Variants in FAT4 observed in about 807,000 individuals in gnomAD.
FAT4 encodes the protein protocadherin Fat 4.
FAT4 carries 84 observed loss-of-function variants against 303.9 expected under a neutral mutation model. The observed-to-expected ratio is 0.28, with a 90% CI of 0.23 to 0.33. The LOEUF (loss-of-function observed/expected upper bound fraction) is 0.33. Among genes scored for constraint, FAT4 ranks in the 10% least tolerant of loss-of-function variants. The pLI is 1.00. For synonymous variants in FAT4, 2,307 were observed against 2,298.8 expected, an observed-to-expected ratio of 1.00 and a Z score of -0.10; for missense variants, 6,005 against 6,146.8, an observed-to-expected ratio of 0.98 and a Z score of 0.77.
chr4:125,322,560 A>C (rs1435170957), intron 2 of FAT4, among the ~76,000 whole-genome samples: 1 of 152,142 alleles, frequency 6.6e-6, no homozygotes, highest in Admixed American at 6.5e-5. Context: ...AAGACATTCT[A>C]GTGTCAGTCA....
rs1735033724 is a variant in FAT4 at position 125,415,797 on chromosome 4, A to G, written c.6834A>G (p.Thr2278=). ...VPENLGTLPR[T]ILQVVARDDD... ...AGAATTTAGGGACACTACCCAGAAC[A>G]ATTCTTCAGGTCAGTATATTTAAAT... Residue 2278 remains threonine, a synonymous_variant, in exon 6 of 18, where the codon ACA becomes ACG. Transcript: ENST00000394329. 1 of 1,607,396 alleles carries G rather than the reference A, an allele frequency of 6.2e-7. No homozygotes were observed. The highest frequency in any genetic ancestry group is 1.7e-5 in the Admixed American group (1 of 59,368).
At chr4:125,354,149 T>A (rs1249228770) in intron 2 of FAT4, among the ~76,000 whole-genome samples, 1 of 151,766 alleles carries the variant, frequency 6.6e-6, no homozygotes, top group Non-Finnish European at 1.5e-5. Context: ...TGTAAACTGC[T>A]ATTACTAAGA....
chr4:125,448,927 A>G lies in FAT4; in HGVS notation c.7917A>G (p.Val2639=), dbSNP rs368552447. Residue 2639 remains valine, a synonymous_variant, in exon 10 of 18, where the codon GTA becomes GTG. Coordinates refer to ENST00000394329, the MANE Select transcript of FAT4 (RefSeq NM_001291303.3). The part of the protein sequence containing the change: ...LDFEKIQKYV[V]WIEARDGGFP... Reference sequence around the variant, plus strand: ...TTGAAAAGATACAAAAATATGTTGTATGGATAGAGGCCAGAGACGGTGGTT... The same window carrying G: ...TTGAAAAGATACAAAAATATGTTGTGTGGATAGAGGCCAGAGACGGTGGTT... 6.2e-7 allele frequency: 1 copy of G among 1,613,228 alleles called. No individual in the cohort carries two copies. The highest frequency in any genetic ancestry group is 1.3e-5 in the African/African-American group (1 of 74,910).
At chr4:125,417,665 A>T (rs147262023) in intron 7 of FAT4, among the ~76,000 whole-genome samples, 90 of 152,308 alleles carry the variant, frequency 5.9e-4, no homozygotes, top group African/African-American at 2.1e-3. Context: ...AGCTTTAAAA[A>T]TGATGCTGAA....
intron 3 of FAT4, among the ~76,000 whole-genome samples, chr4:125,400,389 A>G (rs1207493233): frequency 6.6e-6 from 1 of 151,992 alleles, no homozygotes; most frequent in East Asian, 1.9e-4. Context: ...AGAGATTCCA[A>G]CACTCACCCC....
intron 16 of FAT4, among the ~76,000 whole-genome samples, chr4:125,486,346 T>C (rs925845306): frequency 6.6e-6 from 1 of 152,154 alleles, no homozygotes; most frequent in East Asian, 1.9e-4. Flanking sequence ...GAATAACATA[T>C]GTAAATGTGT....
intron 5 of FAT4, among the ~76,000 whole-genome samples, chr4:125,411,856 G>GTATA (rs10536435): frequency 6.8e-6 from 1 of 147,338 alleles, no homozygotes; most frequent in African/African-American, 2.5e-5. Context: ...GTGTATGTGT[G>GTATA]TATATATATA....
chr4:125,333,322 G>T (rs1048728525), intron 2 of FAT4, among the ~76,000 whole-genome samples: 1 of 152,068 alleles, frequency 6.6e-6, no homozygotes, highest in African/African-American at 2.4e-5. Flanking sequence ...TCGTCCCACA[G>T]ATGCTCAAAA....
Position 125,468,487 on chromosome 4 carries a change from A to G in FAT4, c.11906-25A>G, listed in dbSNP as rs372472480. ...TAAAATTTTCATGAAATTTTATGCC[A>G]GTTTGTCAATTTTCCCTCCAACAGG... On this transcript the variant is annotated intron_variant, in intron 11 of 17. Transcript: ENST00000394329. 4 of 1,401,082 alleles carry G rather than the reference A, an allele frequency of 2.9e-6. No individual in the cohort carries two copies. In the African/African-American group the frequency reaches 5.8e-5, roughly 20 times the overall value. The allele number at this position is 1,401,082 out of a possible 1,614,324, so 86.8% of individuals were successfully genotyped here. A position where few individuals can be genotyped will look rare whatever the true frequency, so the allele number is the denominator to read the frequency against.
intron 2 of FAT4, among the ~76,000 whole-genome samples, chr4:125,375,687 A>G (rs1279937225): frequency 1.3e-5 from 2 of 152,226 alleles, no homozygotes; most frequent in African/African-American, 2.4e-5. Context: ...AAAGGCATTC[A>G]TGACTTTTGA....
At chr4:125,467,297 A>G (rs1726700145) in intron 11 of FAT4, among the ~76,000 whole-genome samples, 1 of 152,186 alleles carries the variant, frequency 6.6e-6, no homozygotes, top group Non-Finnish European at 1.5e-5. Flanking sequence ...GGCAAGTTTT[A>G]AATACTCTAT....
chr4:125,343,066 TA>T (rs1731857199), intron 2 of FAT4, among the ~76,000 whole-genome samples: 1 of 152,182 alleles, frequency 6.6e-6, no homozygotes, highest in Non-Finnish European at 1.5e-5. Flanking sequence ...AGAAGCTGTG[TA>T]AATTTTAAGT....
In FAT4 at chr4:125,318,772, A is replaced by G; in HGVS notation, c.2361A>G (p.Gln787=). The G allele has an allele frequency of 1.2e-6, 2 of 1,614,154 alleles. No homozygotes were observed. Among genetic ancestry groups the G allele is most frequent in the Non-Finnish European group, 8.5e-7 (1 of 1,180,012 alleles). ...TAACCATCACTGTATTGGACACTCAAGACAACCCACCTGTATTCAGTCAGG... is the reference window on the plus strand; with the variant it reads ...TAACCATCACTGTATTGGACACTCAGGACAACCCACCTGTATTCAGTCAGG... ...AIVTITVLDT[Q]DNPPVFSQVA... The change falls in exon 2 of 18, where the codon CAA becomes CAG. Residue 787 remains glutamine, a synonymous_variant. Coordinates refer to ENST00000394329, the MANE Select transcript of FAT4 (RefSeq NM_001291303.3).
rs570502199 is a variant in FAT4, at chr4:125,318,684, C to T, written c.2273C>T (p.Ala758Val). The part of the protein sequence containing the change: ...RMALDREEKT[A>V]YQLQIVATDG... ...GCCCTAGACAGAGAAGAAAAAACAG[C>T]TTATCAGTTGCAAATAGTAGCTACT... The change falls in exon 2 of 18, where the codon GCT (alanine) becomes GTT (valine). Residue 758 changes from alanine (A) to valine (V), a missense_variant. Ala to Val is a moderately conservative substitution (Grantham distance 64). Coordinates refer to ENST00000394329, the MANE Select transcript of FAT4 (RefSeq NM_001291303.3). 1.2e-4 allele frequency: 190 copies of T among 1,613,962 alleles called. No individual in the cohort carries two copies. Among genetic ancestry groups the T allele is most frequent in the Middle Eastern group, 1.6e-4 (1 of 6,080 alleles).
rs17009741 is a variant in FAT4, at chr4:125,469,015, A to G, written c.12213+196A>G. Among the ~76,000 whole-genome samples, 3,475 of 152,312 alleles carry G rather than the reference A, an allele frequency of 0.023. 134 individuals are homozygous for G. Among genetic ancestry groups the G allele is most frequent in the African/African-American group, 0.081 (3,347 of 41,570 alleles). Reference sequence around the variant, plus strand: ...AATAAAAAGGAGAACAATTGAGAATATAGCCTAGTGCGTGAAATAATTTCA... The same window carrying G: ...AATAAAAAGGAGAACAATTGAGAATGTAGCCTAGTGCGTGAAATAATTTCA... On this transcript the variant is annotated intron_variant, in intron 12 of 17. Coordinates refer to ENST00000394329, the MANE Select transcript of FAT4 (RefSeq NM_001291303.3).
intron 2 of FAT4, among the ~76,000 whole-genome samples, chr4:125,364,814 G>T (rs2125987392): frequency 6.6e-6 from 1 of 152,240 alleles, no homozygotes; most frequent in Non-Finnish European, 1.5e-5. Flanking sequence ...AAGACTAAAA[G>T]TTTGGTAGTT....
intron 15 of FAT4, among the ~76,000 whole-genome samples, chr4:125,480,889 A>C (rs914864346): frequency 6.6e-6 from 1 of 152,048 alleles, no homozygotes; most frequent in Non-Finnish European, 1.5e-5. Flanking sequence ...GCTGAAATCC[A>C]TTTGAGCTCA....
At chr4:125,461,301 A>G (rs994413021) in intron 10 of FAT4, among the ~76,000 whole-genome samples, 2 of 152,102 alleles carry the variant, frequency 1.3e-5, no homozygotes, top group Non-Finnish European at 2.9e-5. Flanking sequence ...TTAACTCAAG[A>G]TTTATAAAGG....
chr4:125,416,386 C>A, intron 6 of FAT4, 62 bp from the exon 7 acceptor site: 3 of 1,353,622 alleles, frequency 2.2e-6, no homozygotes, highest in South Asian at 2.9e-5. Context: ...TTAATGGAGG[C>A]ATTTTATTTC....
Sources: allele counts gnomAD v4.1 joint callset (sites outside exome capture counted in the v4.1 genomes callset), GRCh38; gene constraint gnomAD v4.1.1; transcripts MANE v1.5; gene names NCBI Gene and HGNC (gene_info 2026-07-23, HGNC 2026-07-21).